The following TUSC3 variants were observed in gnomAD, a reference collection of about 807,000 sequenced individuals.
TUSC3 encodes dolichyl-diphosphooligosaccharide--protein glycosyltransferase subunit TUSC3.
TUSC3 carries 45 observed loss-of-function variants against 44.8 expected under a neutral mutation model. The observed-to-expected ratio is 1.00, with a 90% CI of 0.79 to 1.29. The LOEUF (loss-of-function observed/expected upper bound fraction) is 1.29. Ranked by LOEUF, TUSC3 falls within the 50% of genes most tolerant of loss-of-function variation. TUSC3 has a pLI of 0.00. For synonymous variants in TUSC3, 212 were observed against 152.9 expected (o/e 1.39, Z -2.85); for missense variants, 519 against 437.9 (o/e 1.19, Z -1.65).
At chr8:15,536,174 C>T (rs750469246), upstream of TUSC3, among the ~76,000 whole-genome samples, 27 of 152,118 alleles carry the variant, frequency 1.8e-4, no homozygotes, top group Non-Finnish European at 3.7e-4. Flanking sequence ...AGAGTCTGCA[C>T]GGCATATTTG....
chr8:15,452,595 C>T (rs760032636), intron 1 of TUSC3, among the ~76,000 whole-genome samples: 2 of 152,178 alleles, frequency 1.3e-5, no homozygotes, highest in Non-Finnish European at 2.9e-5. Flanking sequence ...AAAGAGAAAG[C>T]AGATAAGCTA....
At chr8:15,732,503 T>C (rs1810764194) in intron 7 of TUSC3, among the ~76,000 whole-genome samples, 3 of 152,120 alleles carry the variant, frequency 2.0e-5, no homozygotes, top group Admixed American at 2.0e-4. Flanking sequence ...AGCTCATGTA[T>C]ATCTTTATTA....
At chr8:15,769,814 G>A (rs1308824691), downstream of TUSC3, among the ~76,000 whole-genome samples, 5 of 152,150 alleles carry the variant, frequency 3.3e-5, no homozygotes, top group Admixed American at 3.3e-4. Context: ...AAACGTTAAA[G>A]AAAGCTCATC....
At chr8:15,797,956 C>T in the TUSC3 span, among the ~76,000 whole-genome samples, 1 of 152,090 alleles carries the variant, frequency 6.6e-6, no homozygotes, top group Non-Finnish European at 1.5e-5. Context: ...GCTAATGCAT[C>T]TCTTACTATT....
chr8:15,801,591 G>A, the TUSC3 span, among the ~76,000 whole-genome samples: 2 of 152,138 alleles, frequency 1.3e-5, no homozygotes, highest in African/African-American at 4.8e-5. Context: ...AGTGTCTGTG[G>A]ATGGCTGGGT....
At chr8:15,551,605 G>C (rs1013752135) in intron 1 of TUSC3, among the ~76,000 whole-genome samples, 1 of 151,666 alleles carries the variant, frequency 6.6e-6, no homozygotes, top group Non-Finnish European at 1.5e-5. Flanking sequence ...AATTAAATCA[G>C]TAAGCTACTT....
chr8:15,504,054 C>A (rs35918950), intron 2 of TUSC3, among the ~76,000 whole-genome samples: 41,809 of 150,936 alleles, frequency 0.28, 6,915 homozygotes, highest in Non-Finnish European at 0.37. Flanking sequence ...AAGAACACAC[C>A]GTTTATTTAT....
chr8:15,619,536 G>A (rs1051004794), intron 1 of TUSC3, among the ~76,000 whole-genome samples: 8 of 151,806 alleles, frequency 5.3e-5, no homozygotes. Flanking sequence ...CTGTCGCCCA[G>A]GCTGGAGTGC....
At chr8:15,814,409 A>T in the TUSC3 span, among the ~76,000 whole-genome samples, 1 of 152,344 alleles carries the variant, frequency 6.6e-6, no homozygotes, top group Admixed American at 6.5e-5. Context: ...GAAGTGAAGG[A>T]GATGCAGTTT....
At chr8:15,674,635 A>G (rs1191843225) in intron 6 of TUSC3, among the ~76,000 whole-genome samples, 1 of 151,768 alleles carries the variant, frequency 6.6e-6, no homozygotes, top group Non-Finnish European at 1.5e-5. Context: ...TAAAATAATT[A>G]TTATTACTAT....
chr8:15,795,390 G>C, the TUSC3 span, among the ~76,000 whole-genome samples: 2 of 152,156 alleles, frequency 1.3e-5, no homozygotes, highest in African/African-American at 2.4e-5. Flanking sequence ...GATCACTTCA[G>C]CTAAAATCAG....
At chr8:15,740,076 CA>C (rs1355300369) in intron 7 of TUSC3, among the ~76,000 whole-genome samples, 6 of 151,880 alleles carry the variant, frequency 4.0e-5, no homozygotes, top group Admixed American at 2.0e-4. Context: ...AAATTTCTTT[CA>C]AAAACAATTT....
intron 2 of TUSC3, among the ~76,000 whole-genome samples, chr8:15,503,870 C>G (rs924313955): frequency 2.0e-5 from 3 of 151,984 alleles, no homozygotes; most frequent in Non-Finnish European, 4.4e-5. Flanking sequence ...GGCTCCACAG[C>G]TGGGTGTGGT....
chr8:15,538,077 G>A (rs1039513424), upstream of TUSC3, among the ~76,000 whole-genome samples: 2 of 152,138 alleles, frequency 1.3e-5, no homozygotes, highest in African/African-American at 4.8e-5. Context: ...AAACCCACCA[G>A]CCGCAGGCAA....
At chr8:15,538,063 A>G (rs13251491), upstream of TUSC3, among the ~76,000 whole-genome samples, 28,768 of 152,160 alleles carry the variant, frequency 0.19, 3,663 homozygotes, top group Non-Finnish European at 0.28. Context: ...TAACTGACTT[A>G]TTAAAACCCA....
At chr8:15,581,604 C>G (rs375912821) in intron 1 of TUSC3, among the ~76,000 whole-genome samples, 2,582 of 145,528 alleles carry the variant, frequency 0.018, 44 homozygotes, top group East Asian at 0.034. Context: ...GCCCCTGCTG[C>G]GGGGTGCCTC....
At chr8:15,731,721 C>T (rs1415636840) in intron 7 of TUSC3, among the ~76,000 whole-genome samples, 1 of 152,072 alleles carries the variant, frequency 6.6e-6, no homozygotes, top group East Asian at 1.9e-4. Context: ...GTTAGTCATG[C>T]CTATTATTTT....
chr8:15,502,657 C>T (rs1800983654), intron 2 of TUSC3, among the ~76,000 whole-genome samples: 1 of 151,988 alleles, frequency 6.6e-6, no homozygotes, highest in South Asian at 2.1e-4. Flanking sequence ...CACCTGGCTA[C>T]TTTTTTTGTA....
chr8:15,569,380 CAG>C (rs1201372180), intron 1 of TUSC3, among the ~76,000 whole-genome samples: 5 of 151,922 alleles, frequency 3.3e-5, no homozygotes, highest in Non-Finnish European at 7.4e-5. Context: ...AGGTGATAAT[CAG>C]AGAGTTTCCT....
Sources: allele counts gnomAD v4.1 joint callset (sites outside exome capture counted in the v4.1 genomes callset), GRCh38; gene constraint gnomAD v4.1.1; transcripts MANE v1.5; gene names NCBI Gene and HGNC (gene_info 2026-07-23, HGNC 2026-07-21).